The following PPM1E variants were observed in gnomAD, a reference collection of about 807,000 sequenced individuals.
The protein encoded by PPM1E is protein phosphatase, Mg2+/Mn2+ dependent 1E.
A neutral mutation model predicts 65.9 loss-of-function variants in PPM1E; 20 were observed. The observed-to-expected ratio is 0.30, with a 90% CI of 0.21 to 0.44. The LOEUF is 0.44. PPM1E is among the 20% of genes least tolerant of loss of function. PPM1E has a pLI of 1.00. For missense variants in PPM1E, 713 were observed against 953.1 expected (o/e 0.75, Z 3.32); for synonymous variants, 352 against 374.9 (o/e 0.94, Z 0.70).
chr17:58,843,588 G>T (rs11079358), intron 1 of PPM1E, among the ~76,000 whole-genome samples: 28,049 of 151,978 alleles, frequency 0.18, 2,761 homozygotes, highest in Non-Finnish European at 0.21. Flanking sequence ...ACTTTGGGAG[G>T]CCGAGGCAAG....
chr17:58,864,182 C>T (rs555700686), intron 1 of PPM1E, among the ~76,000 whole-genome samples: 60 of 151,954 alleles, frequency 3.9e-4, no homozygotes, highest in Non-Finnish European at 1.5e-4. Flanking sequence ...TTCCATACCA[C>T]TCCAAAGTCA....
chr17:58,841,521 CTT>C (rs34826804), intron 1 of PPM1E, among the ~76,000 whole-genome samples: 10 of 98,960 alleles, frequency 1.0e-4, no homozygotes, highest in Admixed American at 2.0e-4. Flanking sequence ...AAAACAAATA[CTT>C]TTTTTTTTTT....
rs1010417933 is a variant in PPM1E at position 58,982,153 on chromosome 17, G to T, written c.*1122G>T. On this transcript the variant is annotated 3_prime_UTR_variant, in exon 7 of 7. Transcript: ENST00000308249. ...TACTGACAGCCAGGTCTGTTTAGTT[G>T]TAATTGGAAGACACATGAGTGTCCT... 2 of 152,642 alleles carry T rather than the reference G, an allele frequency of 1.3e-5. No homozygotes were observed. Among genetic ancestry groups the T allele is most frequent in the Non-Finnish European group, 2.9e-5 (2 of 68,040 alleles). The allele number at this position is 152,642 out of a possible 1,614,324, so 9.5% of individuals were successfully genotyped here. A position where few individuals can be genotyped will look rare whatever the true frequency, so the allele number is the denominator to read the frequency against.
chr17:58,850,833 C>T (rs1407439050), intron 1 of PPM1E, among the ~76,000 whole-genome samples: 1 of 152,114 alleles, frequency 6.6e-6, no homozygotes, highest in Admixed American at 6.6e-5. Context: ...TGCCTTGCTA[C>T]GTTGGGGAAG....
At chr17:58,792,505 T>C (rs1001637102) in intron 1 of PPM1E, among the ~76,000 whole-genome samples, 1 of 151,038 alleles carries the variant, frequency 6.6e-6, no homozygotes, top group African/African-American at 2.4e-5. Context: ...CATGCCCTGC[T>C]AATTTTTGTA....
intron 2 of PPM1E, among the ~76,000 whole-genome samples, chr17:58,956,426 ACT>A (rs771544887): frequency 2.0e-5 from 3 of 149,608 alleles, no homozygotes; most frequent in Non-Finnish European, 4.4e-5. Context: ...AAAGAGTGAA[ACT>A]CTGTCTCAAA....
chr17:58,783,216 A>C (rs1200548452), intron 1 of PPM1E, among the ~76,000 whole-genome samples: 1 of 152,228 alleles, frequency 6.6e-6, no homozygotes, highest in Non-Finnish European at 1.5e-5. Context: ...ATGGACCTTC[A>C]TGCAAACAGT....
rs1338184214 is a variant in PPM1E at position 58,937,595 on chromosome 17, G to A, written c.465-18054G>A. Among the ~76,000 whole-genome samples, 4 of 147,930 alleles carry A rather than the reference G, an allele frequency of 2.7e-5. 1 individual carries two copies. In the South Asian group the frequency reaches 6.5e-4, roughly 24 times the overall value. ...TGTTTTCTTAAAGAGACATGCCTACGGCCGGGTGTGGTGGCTCACGCCTGT... is the reference window on the plus strand; with the variant it reads ...TGTTTTCTTAAAGAGACATGCCTACAGCCGGGTGTGGTGGCTCACGCCTGT... On this transcript the variant is annotated intron_variant, in intron 1 of 6. Coordinates refer to ENST00000308249, the MANE Select transcript of PPM1E (RefSeq NM_014906.5).
chr17:58,955,898 G>A (rs2143645446), intron 2 of PPM1E, 131 bp downstream of exon 2: 1 of 1,081,746 alleles, frequency 9.2e-7, no homozygotes, highest in East Asian at 3.0e-5. Context: ...TGGTAGCAGG[G>A]GAGAAAAAAT....
chr17:58,799,243 G>C (rs1567837050), intron 1 of PPM1E, among the ~76,000 whole-genome samples: 2 of 152,006 alleles, frequency 1.3e-5, no homozygotes, highest in Admixed American at 6.6e-5. Flanking sequence ...GTCTATTTAT[G>C]ACAGAATCAT....
At chr17:58,922,988 T>G (rs1567875975) in intron 1 of PPM1E, among the ~76,000 whole-genome samples, 1 of 152,246 alleles carries the variant, frequency 6.6e-6, no homozygotes, top group East Asian at 1.9e-4. Context: ...TAAATGTGAA[T>G]TTTGAAAAAT....
At chr17:58,793,778 T>G (rs1295155752) in intron 1 of PPM1E, among the ~76,000 whole-genome samples, 1 of 152,144 alleles carries the variant, frequency 6.6e-6, no homozygotes, top group Non-Finnish European at 1.5e-5. Context: ...ATTTACAAGG[T>G]CTCAACATCT....
intron 1 of PPM1E, among the ~76,000 whole-genome samples, chr17:58,955,165 G>A (rs1391703620): frequency 6.6e-6 from 1 of 152,138 alleles, no homozygotes; most frequent in East Asian, 1.9e-4. Flanking sequence ...GGGAGTTCAA[G>A]ACCAGCCTGA....
At chr17:58,884,993 A>C (rs112881700) in intron 1 of PPM1E, among the ~76,000 whole-genome samples, 4 of 151,706 alleles carry the variant, frequency 2.6e-5, no homozygotes, top group Non-Finnish European at 4.4e-5. Context: ...TTTTCATCTC[A>C]TGTGTAGTTA....
intron 1 of PPM1E, among the ~76,000 whole-genome samples, chr17:58,870,836 A>C (rs1183346399): frequency 6.6e-6 from 1 of 152,184 alleles, no homozygotes; most frequent in African/African-American, 2.4e-5. Context: ...TTTTAGATGC[A>C]TGATTACCCA....
At chr17:58,963,151 G>C (rs943075642) in intron 2 of PPM1E, among the ~76,000 whole-genome samples, 1 of 152,054 alleles carries the variant, frequency 6.6e-6, no homozygotes, top group Non-Finnish European at 1.5e-5. Flanking sequence ...CTGGGAGGCC[G>C]AGGTGGGTGG....
intron 1 of PPM1E, among the ~76,000 whole-genome samples, chr17:58,794,963 A>G (rs902579227): frequency 6.8e-6 from 1 of 146,924 alleles, no homozygotes; most frequent in Non-Finnish European, 1.5e-5. Context: ...ATCTTGGCTC[A>G]CTGCAACTTC....
chr17:58,805,980 A>AAAAACAAAAC (rs1422405569), intron 1 of PPM1E, among the ~76,000 whole-genome samples: 18 of 107,960 alleles, frequency 1.7e-4, no homozygotes, highest in African/African-American at 3.3e-4. Context: ...AAAACAAAAA[A>AAAAACAAAAC]AAAACAAAAC....
chr17:58,982,851 A>ATATC lies in PPM1E; in HGVS notation c.*1822_*1825dup. 1 of 1,506,316 alleles carries ATATC rather than the reference A, an allele frequency of 6.6e-7. No homozygotes were observed. The highest frequency in any genetic ancestry group is 9.1e-7 in the Non-Finnish European group (1 of 1,102,628). 93.3% of individuals were successfully genotyped at this position (1,506,316 alleles called of 1,614,324 possible). A position where few individuals can be genotyped will look rare whatever the true frequency, so the allele number is the denominator to read the frequency against. On this transcript the variant is annotated 3_prime_UTR_variant, in exon 7 of 7. Coordinates refer to ENST00000308249, the MANE Select transcript of PPM1E (RefSeq NM_014906.5). ...TTTGCCCCACACATGGTCCTCACTC[A>ATATC]TATCTGTCACCTTCTGAAGCCTAGA... is the stretch of plus-strand genomic sequence containing the variant.
Sources: allele counts gnomAD v4.1 joint callset (sites outside exome capture counted in the v4.1 genomes callset), GRCh38; gene constraint gnomAD v4.1.1; transcripts MANE v1.5; gene names NCBI Gene and HGNC (gene_info 2026-07-23, HGNC 2026-07-21).